HRH1: variants seen among roughly 807,000 people sequenced by gnomAD.
HRH1 encodes histamine H1 receptor.
HRH1 carries 6 observed loss-of-function variants against 10.3 expected under a neutral mutation model. The ratio of observed to expected loss-of-function variants is 0.58; its 90% CI spans 0.32 to 1.15. The LOEUF is 1.15. Among genes scored for constraint, HRH1 ranks in the 50% most tolerant of loss-of-function variants. The pLI is 0.05. For synonymous variants in HRH1, 242 were observed against 236.7 expected, an observed-to-expected ratio of 1.02 and a Z score of -0.21; for missense variants, 514 against 615.3, an observed-to-expected ratio of 0.84 and a Z score of 1.74.
intron 1 of HRH1, among the ~76,000 whole-genome samples, chr3:11,189,847 G>A (rs1937510397): frequency 1.3e-5 from 2 of 152,156 alleles, no homozygotes; most frequent in African/African-American, 4.8e-5. Context: ...CTACTCGGGA[G>A]GCTGAGGCAC....
rs117875078 is a variant in HRH1 at position 11,144,828 on chromosome 3, G to A, written c.-36+7429G>A. On this transcript the variant is annotated intron_variant, in intron 1 of 1. Coordinates refer to the HRH1 transcript ENST00000438284. ...AGAGGTTGCAGTGAGCCGAGATCAC[G>A]CCACTGCACTCCAGCCTGGGTGACA... Among the ~76,000 whole-genome samples the A allele has an allele frequency of 2.1e-3, 325 of 151,970 alleles. 5 individuals are homozygous for A. In the East Asian group the frequency reaches 0.032, roughly 15 times the overall value.
At position 11,259,098 on chromosome 3, in the gene HRH1, A is replaced by G. The variant is rs1373002939; in HGVS notation, c.61A>G (p.Thr21Ala). 4 of 1,613,888 alleles carry G rather than the reference A, an allele frequency of 2.5e-6. No homozygotes were observed. The African/African-American group carries it at 4.0e-5, about 16-fold the overall frequency. The change falls in exon 2 of 2, where the codon ACT becomes GCT. Residue 21 changes from threonine to alanine, a missense_variant. Physicochemically the swap from Thr to Ala is moderately conservative, Grantham distance 58. Coordinates refer to ENST00000431010, the MANE Select transcript of HRH1 (RefSeq NM_001098212.2). The surrounding 1 kb of genome is among the most constrained non-coding windows in gnomAD (Gnocchi z 4.6). ...EDKMCEGNKT[T>A]MASPQLMPLV... is the part of the protein sequence containing the mutation. ...CAAGATGTGTGAGGGCAACAAGACC[A>G]CTATGGCCAGCCCCCAGCTGATGCC... is the stretch of plus-strand genomic sequence containing the variant.
At position 11,259,183 on chromosome 3, in the gene HRH1, T is replaced by C; in HGVS notation, c.146T>C (p.Leu49Pro). 1 of 1,613,762 alleles carries C rather than the reference T, an allele frequency of 6.2e-7. No individual in the cohort carries two copies. Among genetic ancestry groups the C allele is most frequent in the South Asian group, 1.1e-5 (1 of 91,036 alleles). Reference sequence around the variant, plus strand: ...ACAGTAGGGCTCAACCTGCTGGTGCTGTATGCCGTACGGAGTGAGCGGAAG... The same window carrying C: ...ACAGTAGGGCTCAACCTGCTGGTGCCGTATGCCGTACGGAGTGAGCGGAAG... Reference protein sequence around the residue: ...LVTVGLNLLVLYAVRSERKLH... With the variant: ...LVTVGLNLLVPYAVRSERKLH... The change falls in exon 2 of 2, where the codon CTG (leucine) becomes CCG (proline). Residue 49 changes from leucine to proline, a missense_variant. Coordinates refer to ENST00000431010, the MANE Select transcript of HRH1 (RefSeq NM_001098212.2). This position sits in a 1 kb window ranked among gnomAD's most constrained non-coding sequence, Gnocchi z 4.6.
intron 1 of HRH1, among the ~76,000 whole-genome samples, chr3:11,198,852 C>A (rs993413062): frequency 7.3e-5 from 11 of 150,970 alleles, no homozygotes; most frequent in African/African-American, 2.4e-4. Flanking sequence ...TAGATGTGAA[C>A]TTTTTTGAAC....
intron 1 of HRH1, among the ~76,000 whole-genome samples, chr3:11,208,031 A>C (rs7625756): frequency 6.6e-6 from 1 of 152,008 alleles, no homozygotes; most frequent in African/African-American, 2.4e-5. Flanking sequence ...TGAAGAATTT[A>C]AAACTGTGTT....
chr3:11,231,572 A>G (rs954638166), intron 1 of HRH1, among the ~76,000 whole-genome samples: 16 of 152,092 alleles, frequency 1.1e-4, no homozygotes, highest in African/African-American at 3.9e-4. Context: ...TTTGACTTGC[A>G]CTTCTCTGAT....
At chr3:11,165,708 C>T (rs906007692) in intron 1 of HRH1, among the ~76,000 whole-genome samples, 1 of 152,172 alleles carries the variant, frequency 6.6e-6, no homozygotes, top group Non-Finnish European at 1.5e-5. Context: ...CTAGGAGAAA[C>T]GTCTCTCCGG....
At chr3:11,154,468 C>A (rs559462153), upstream of HRH1, 1 of 69,196 alleles carries the variant, frequency 1.4e-5, no homozygotes, top group South Asian at 5.0e-4. This position sits in a 1 kb window ranked among gnomAD's most constrained non-coding sequence, Gnocchi z 4.4. Flanking sequence ...GAGAGCTCCC[C>A]GGCGCCCCCG....
At chr3:11,216,485 C>T (rs373831823) in intron 1 of HRH1, among the ~76,000 whole-genome samples, 146 of 152,220 alleles carry the variant, frequency 9.6e-4, no homozygotes, top group African/African-American at 3.5e-3. Flanking sequence ...GTGGATGAAA[C>T]CTGAGGACGT....
intron 1 of HRH1, among the ~76,000 whole-genome samples, chr3:11,166,856 C>T (rs115310149): frequency 0.01 from 1,221 of 121,222 alleles, 22 homozygotes; most frequent in African/African-American, 0.035. Flanking sequence ...TCCAGACCCA[C>T]GACATTTGCT....
intron 1 of HRH1, among the ~76,000 whole-genome samples, chr3:11,215,539 G>C (rs1042940116): frequency 1.3e-5 from 2 of 152,166 alleles, no homozygotes; most frequent in Non-Finnish European, 2.9e-5. Context: ...CTCCCAGGCT[G>C]ACGCCATTCT....
Position 11,154,963 on chromosome 3 carries a change from C to T in HRH1, c.-36+409C>T, listed in dbSNP as rs1936750875. ...CATTGGTTGAGTGCGTTCACTGTGCCAGGCTTTGGGCATCCATTATCTGTT... is the reference window on the plus strand; with the variant it reads ...CATTGGTTGAGTGCGTTCACTGTGCTAGGCTTTGGGCATCCATTATCTGTT... On this transcript the variant is annotated intron_variant, in intron 1 of 1. Transcript: ENST00000431010. This position sits in a 1 kb window ranked among gnomAD's most constrained non-coding sequence, Gnocchi z 4.4. Among the ~76,000 whole-genome samples the T allele has an allele frequency of 6.6e-6, 1 of 152,186 alleles. No individual in the cohort carries two copies. The highest frequency in any genetic ancestry group is 2.4e-5 in the African/African-American group (1 of 41,442).
In HRH1 at chr3:11,260,105, A is replaced by G. The variant is rs2067468; in HGVS notation, c.1068A>G (p.Gln356=). The change falls in exon 2 of 2, where the codon CAA becomes CAG. Residue 356 remains glutamine (Q), a synonymous_variant. Coordinates refer to ENST00000431010, the MANE Select transcript of HRH1 (RefSeq NM_001098212.2). The part of the protein sequence containing the change: ...ISEDQMLGDS[Q]SFSRTDSDTT... ...AGGATCAGATGTTAGGTGATAGCCA[A>G]TCCTTCTCTCGAACGGACTCAGATA... The G allele has an allele frequency of 0.035, 56,032 of 1,614,038 alleles. 1,133 individuals carry two copies. Among genetic ancestry groups the G allele is most frequent in the Middle Eastern group, 0.06 (362 of 6,060 alleles).
Position 11,260,082 on chromosome 3 carries a change from G to T in HRH1, c.1045G>T (p.Asp349Tyr), listed in dbSNP as rs189287776. Residue 349 changes from aspartate (D) to tyrosine (Y), a missense_variant, in exon 2 of 2, where the codon GAT becomes TAT. Coordinates refer to ENST00000431010, the MANE Select transcript of HRH1 (RefSeq NM_001098212.2). ...ACATGGGGCCAGCGAGATATCAGAG[G>T]ATCAGATGTTAGGTGATAGCCAATC... is the stretch of plus-strand genomic sequence containing the variant. ...NTHGASEISE[D>Y]QMLGDSQSFS... is the part of the protein sequence containing the mutation. The T allele has an allele frequency of 3.1e-6, 5 of 1,614,010 alleles. No individual in the cohort carries two copies. The African/African-American group carries it at 6.7e-5, about 22-fold the overall frequency.
intron 1 of HRH1, among the ~76,000 whole-genome samples, chr3:11,241,267 C>T (rs889100390): frequency 7.4e-6 from 1 of 135,380 alleles, no homozygotes; most frequent in African/African-American, 2.8e-5. Context: ...TGACATTGTC[C>T]TGTACAAACA....
intron 1 of HRH1, among the ~76,000 whole-genome samples, chr3:11,138,246 T>C (rs1936222642): frequency 6.6e-6 from 1 of 150,446 alleles, no homozygotes; most frequent in Admixed American, 6.7e-5. Flanking sequence ...ATGGTCTCGA[T>C]CTCCTGACCT....
rs1418269112 is a variant in HRH1, at chr3:11,261,569, G to T, written c.*1068G>T. The T allele has an allele frequency of 6.0e-6, 1 of 167,108 alleles. No individual in the cohort carries two copies. The highest frequency in any genetic ancestry group is 6.5e-5 in the Admixed American group (1 of 15,290). 10.4% of individuals were successfully genotyped at this position (167,108 alleles called of 1,614,324 possible). On this transcript the variant is annotated 3_prime_UTR_variant, in exon 2 of 2. Coordinates refer to ENST00000431010, the MANE Select transcript of HRH1 (RefSeq NM_001098212.2). ...TGTGCCCTTTTGGCCGGGCATGGTAGCTCAAGCCTATAATCCCAGCATGTT... is the reference window on the plus strand; with the variant it reads ...TGTGCCCTTTTGGCCGGGCATGGTATCTCAAGCCTATAATCCCAGCATGTT...
At chr3:11,216,820 C>T (rs1433875586) in intron 1 of HRH1, among the ~76,000 whole-genome samples, 3 of 151,774 alleles carry the variant, frequency 2.0e-5, no homozygotes, top group African/African-American at 4.8e-5. Context: ...GTGGAGGTTG[C>T]AGGGAGCCGA....
Position 11,259,682 on chromosome 3 carries a change from G to A in HRH1, c.645G>A (p.Lys215=). Residue 215 remains lysine, a synonymous_variant, in exon 2 of 2, where the codon AAG becomes AAA. Coordinates refer to ENST00000431010, the MANE Select transcript of HRH1 (RefSeq NM_001098212.2). This position sits in a 1 kb window ranked among gnomAD's most constrained non-coding sequence, Gnocchi z 4.6. ...TCTGGTTCTATGCCAAGATCTACAA[G>A]GCCGTACGACAACACTGCCAGCACC... is the stretch of plus-strand genomic sequence containing the variant. ...LMLWFYAKIY[K]AVRQHCQHRE... 6.2e-7 allele frequency: 1 copy of A among 1,614,082 alleles called. No individual in the cohort carries two copies. Among genetic ancestry groups the A allele is most frequent in the Non-Finnish European group, 8.5e-7 (1 of 1,180,030 alleles).
Sources: gnomAD v4.1 joint callset for allele counts (sites outside exome capture counted in the v4.1 genomes callset) on GRCh38, gnomAD v4.1.1 for gene constraint, Gnocchi (gnomAD v3.1) non-coding constraint, MANE v1.5 for transcripts, NCBI Gene and HGNC (gene_info 2026-07-23, HGNC 2026-07-21) for gene names.